The following PSAT1 variants were observed in gnomAD, a reference collection of about 807,000 sequenced individuals.
PSAT1 encodes phosphoserine aminotransferase.
A neutral mutation model predicts 40.3 loss-of-function variants in PSAT1; 41 were observed. The ratio of observed to expected loss-of-function variants is 1.02; its 90% CI spans 0.79 to 1.32. PSAT1 has a LOEUF of 1.32. PSAT1 is among the 40% of genes most tolerant of loss of function. PSAT1 has a pLI of 0.00. For missense variants in PSAT1, 406 were observed against 455.8 expected, an observed-to-expected ratio of 0.89 and a Z score of 0.99; for synonymous variants, 147 against 170.5, an observed-to-expected ratio of 0.86 and a Z score of 1.07.
At chr9:78,312,090 C>T (rs1828277557) in intron 6 of PSAT1, among the ~76,000 whole-genome samples, 1 of 151,458 alleles carries the variant, frequency 6.6e-6, no homozygotes, top group African/African-American at 2.4e-5. Context: ...GACCATAGGC[C>T]CTGGGAACTT....
At chr9:78,307,170 A>G (rs1197419439) in intron 5 of PSAT1, among the ~76,000 whole-genome samples, 1 of 152,194 alleles carries the variant, frequency 6.6e-6, no homozygotes, top group Admixed American at 6.5e-5. Context: ...TCTCAGATGA[A>G]ATCTGTACAT....
intron 6 of PSAT1, among the ~76,000 whole-genome samples, chr9:78,315,072 G>A (rs1477066077): frequency 6.6e-6 from 1 of 152,132 alleles, no homozygotes; most frequent in Non-Finnish European, 1.5e-5. Flanking sequence ...ATGAACAGAG[G>A]GCTGGGCAGC....
intron 6 of PSAT1, among the ~76,000 whole-genome samples, chr9:78,310,080 G>A (rs1038186052): frequency 6.6e-6 from 1 of 152,202 alleles, no homozygotes; most frequent in Non-Finnish European, 1.5e-5. Flanking sequence ...TGAGTTCTCA[G>A]AGCCTCAGCA....
At chr9:78,300,478 G>T in intron 1 of PSAT1, 124 bp from the exon 2 acceptor site, 1 of 1,227,244 alleles carries the variant, frequency 8.1e-7, no homozygotes. Context: ...GGCTGTGGGT[G>T]GGGATGGAAG....
chr9:78,311,619 G>A (rs1448926171), intron 6 of PSAT1, among the ~76,000 whole-genome samples: 4 of 151,998 alleles, frequency 2.6e-5, no homozygotes. Context: ...GGATCACAAG[G>A]TCAGGAAATC....
intron 6 of PSAT1, among the ~76,000 whole-genome samples, chr9:78,311,829 G>GAAAACAAAAACA (rs749911565): frequency 2.0e-5 from 3 of 151,256 alleles, no homozygotes; most frequent in African/African-American, 7.3e-5. Flanking sequence ...GAGACTGTCT[G>GAAAACAAAAACA]AAAACAAAAA....
chr9:78,306,626 G>T, intron 5 of PSAT1, 140 bp downstream of exon 5: 2 of 1,049,342 alleles, frequency 1.9e-6, no homozygotes, highest in East Asian at 4.8e-5. Flanking sequence ...CAGTGAGCAG[G>T]CTGCCAGGTG....
At chr9:78,298,197 C>G (rs1006263636) in intron 1 of PSAT1, 1 of 801,654 alleles carries the variant, frequency 1.2e-6, no homozygotes, top group Admixed American at 6.3e-5. Flanking sequence ...CCAGCCCCAC[C>G]CGCAGTGAAG....
intron 7 of PSAT1, 42 bp from the exon 8 acceptor site, chr9:78,328,009 A>C (rs1022069915): frequency 1.3e-6 from 2 of 1,595,058 alleles, no homozygotes. Flanking sequence ...GACAACCCAT[A>C]CATTTCAGAA....
At chr9:78,302,073 A>T (rs1189221851) in intron 3 of PSAT1, 50 bp downstream of exon 3, 2 of 1,243,504 alleles carry the variant, frequency 1.6e-6, no homozygotes, top group South Asian at 2.4e-5. Context: ...ATACTTCCTA[A>T]ATCTGGATGT....
At chr9:78,310,163 T>C (rs1828245412) in intron 6 of PSAT1, among the ~76,000 whole-genome samples, 2 of 152,162 alleles carry the variant, frequency 1.3e-5, no homozygotes, top group African/African-American at 2.4e-5. Flanking sequence ...AGAATGGTGA[T>C]GCTTTATGTG....
intron 5 of PSAT1, 67 bp downstream of exon 5, chr9:78,306,553 T>C: frequency 1.3e-6 from 2 of 1,590,288 alleles, no homozygotes; most frequent in Non-Finnish European, 1.7e-6. Context: ...TTTTAATATA[T>C]ACAAGAGCGG....
intron 6 of PSAT1, 85 bp downstream of exon 6, chr9:78,308,668 A>G: frequency 2.0e-6 from 3 of 1,533,442 alleles, no homozygotes; most frequent in Non-Finnish European, 2.7e-6. Flanking sequence ...AAAATAAAAC[A>G]TGTAAGCCTG....
At chr9:78,300,575 A>G (rs986332929) in intron 1 of PSAT1, 27 bp from the exon 2 acceptor site, 3 of 1,604,592 alleles carry the variant, frequency 1.9e-6, no homozygotes. Flanking sequence ...TATTTAAATA[A>G]CCCTATTTTC....
intron 7 of PSAT1, among the ~76,000 whole-genome samples, chr9:78,320,531 C>T (rs968404149): frequency 1.3e-5 from 2 of 149,850 alleles, no homozygotes; most frequent in African/African-American, 4.9e-5. Context: ...ACTCATTCAT[C>T]CACCCGCCCA....
rs542321928 is a variant in PSAT1 at position 78,317,913 on chromosome 9, A to G, written c.869+109A>G. ...TATTCACCTTTCTCTGAGACATTAA[A>G]ATACTGGTGAGTGTGTGTGGTCCTG... On this transcript the variant is annotated intron_variant, in intron 7 of 8. Coordinates refer to ENST00000376588, the MANE Select transcript of PSAT1 (RefSeq NM_058179.4). 38 of 1,327,384 alleles carry G rather than the reference A, an allele frequency of 2.9e-5. No homozygotes were observed. The African/African-American group carries it at 4.9e-4, about 17-fold the overall frequency. 82.2% of individuals were successfully genotyped at this position (1,327,384 alleles called of 1,614,324 possible).
At position 78,317,873 on chromosome 9, in the gene PSAT1, T is replaced by G. The variant is rs7028509; in HGVS notation, c.869+69T>G. ...TAAAACTGTGTATATACTGTGTACCTTTGAAAAGTGGACATATTCACCTTT... is the reference window on the plus strand; with the variant it reads ...TAAAACTGTGTATATACTGTGTACCGTTGAAAAGTGGACATATTCACCTTT... On this transcript the variant is annotated intron_variant, in intron 7 of 8. Coordinates refer to ENST00000376588, the MANE Select transcript of PSAT1 (RefSeq NM_058179.4). 0.72 allele frequency: 1,108,156 copies of G among 1,528,566 alleles called. 403,127 individuals carry two copies. The highest frequency in any genetic ancestry group is 0.79 in the African/African-American group (57,666 of 73,128). The allele number at this position is 1,528,566 out of a possible 1,614,324, so 94.7% of individuals were successfully genotyped here.
intron 6 of PSAT1, among the ~76,000 whole-genome samples, chr9:78,317,215 C>T (rs1828357537): frequency 6.6e-6 from 1 of 152,110 alleles, no homozygotes. Context: ...ATGACATGCT[C>T]TTGTTCACAT....
chr9:78,301,611 C>T (rs1022920085), intron 2 of PSAT1, among the ~76,000 whole-genome samples: 4 of 152,032 alleles, frequency 2.6e-5, no homozygotes, highest in Non-Finnish European at 4.4e-5. Context: ...ATTTTGTGCT[C>T]CAGACCTAAA....
Sources: gnomAD v4.1 joint callset for allele counts (sites outside exome capture counted in the v4.1 genomes callset) on GRCh38, gnomAD v4.1.1 for gene constraint, MANE v1.5 for transcripts, NCBI Gene and HGNC (gene_info 2026-07-23, HGNC 2026-07-21) for gene names.